NOTUM: variants seen among roughly 807,000 people sequenced by gnomAD.
NOTUM encodes the protein palmitoleoyl-protein carboxylesterase NOTUM.
NOTUM carries 36 observed loss-of-function variants against 65.5 expected under a neutral mutation model. The observed-to-expected ratio is 0.55, with a 90% confidence interval of 0.42 to 0.73. The LOEUF is 0.73. NOTUM is among the 30% of genes least tolerant of loss of function. NOTUM has a pLI of 0.00. For missense variants in NOTUM, 659 were observed against 694.2 expected (o/e 0.95, Z 0.57); for synonymous variants, 356 against 297.9 (o/e 1.20, Z -2.01).
rs902254778 is a variant in NOTUM at position 81,952,609 on chromosome 17, A to T, written c.*352T>A. The T allele has an allele frequency of 1.2e-5, 3 of 248,136 alleles. No homozygotes were observed. The highest frequency in any genetic ancestry group is 2.3e-5 in the Non-Finnish European group (3 of 129,600). The allele number at this position is 248,136 out of a possible 1,614,324, so 15.4% of individuals were successfully genotyped here. On this transcript the variant is annotated 3_prime_UTR_variant, in exon 11 of 11. Transcript: ENST00000409678. The stretch of plus-strand genomic sequence containing the variant: ...CCTTTTTTTAAAAAATTAAAGTAAT[A>T]AAAAAGTCACTTTATAAAATAATAT...
At position 81,958,348 on chromosome 17, in the gene NOTUM, G is replaced by C. The variant is rs953285187; in HGVS notation, c.579C>G (p.Ser193=). The part of the protein sequence containing the change: ...CSSDVWSGAS[S]KSEKNEYAFM... ...GCCGAGACTCACTCTTCTCAGACTT[G>C]GATGAAGCCCCGCTCCAAACATCAC... Residue 193 remains serine (S), a synonymous_variant, in exon 5 of 11, where the codon TCC becomes TCG. Coordinates refer to ENST00000409678, the MANE Select transcript of NOTUM (RefSeq NM_178493.6). 2 of 1,608,952 alleles carry C rather than the reference G, an allele frequency of 1.2e-6. No individual in the cohort carries two copies. The highest frequency in any genetic ancestry group is 2.7e-5 in the African/African-American group (2 of 74,838).
In NOTUM at chr17:81,960,656, A is replaced by G. The variant is rs1277404868; in HGVS notation, c.254T>C (p.Leu85Pro). The G allele has an allele frequency of 3.2e-6, 5 of 1,583,610 alleles. No individual in the cohort carries two copies. The South Asian group carries it at 5.7e-5, about 18-fold the overall frequency. The change falls in exon 1 of 11, where the codon CTC (leucine) becomes CCC (proline). Residue 85 changes from leucine (L) to proline (P), a missense_variant. Leu to Pro is a moderately conservative substitution (Grantham distance 98). Coordinates refer to ENST00000409678, the MANE Select transcript of NOTUM (RefSeq NM_178493.6). This position sits in a 1 kb window ranked among gnomAD's most constrained non-coding sequence, Gnocchi z 6.4. ...QSLYPCSAQQ[L>P]NEDLRLHLLL... ...GAGGTGCAGGCGCAGGTCCTCGTTGAGCTGCTGCGCGGAGCAGGGGTACAG... is the reference window on the plus strand; with the variant it reads ...GAGGTGCAGGCGCAGGTCCTCGTTGGGCTGCTGCGCGGAGCAGGGGTACAG...
rs2041454964 is a variant in NOTUM, at chr17:81,959,102, A to G, written c.473-107T>C. 4 of 964,198 alleles carry G rather than the reference A, an allele frequency of 4.1e-6. No homozygotes were observed. The South Asian group carries it at 5.4e-5, about 13-fold the overall frequency. The allele number at this position is 964,198 out of a possible 1,614,324, so 59.7% of individuals were successfully genotyped here. On this transcript the variant is annotated intron_variant, in intron 3 of 10. Transcript: ENST00000409678. ...GGCTCCTACTTGGCCCCAGGAAGGG[A>G]GGTGTGCTGGTGTTGCTAGCCCGAA...
rs1374950776 is a variant in NOTUM at position 81,960,665 on chromosome 17, G to A, written c.245C>T (p.Ala82Val). The change falls in exon 1 of 11, where the codon GCG becomes GTG. Residue 82 changes from alanine (A) to valine (V), a missense_variant. By Grantham distance (64) the Ala-to-Val change is moderately conservative (BLOSUM62 0). Coordinates refer to ENST00000409678, the MANE Select transcript of NOTUM (RefSeq NM_178493.6). The surrounding 1 kb of genome is among the most constrained non-coding windows in gnomAD (Gnocchi z 6.4). ...SLAQSLYPCS[A>V]QQLNEDLRLH... ...GCGCAGGTCCTCGTTGAGCTGCTGC[G>A]CGGAGCAGGGGTACAGGGACTGCGC... 2.5e-6 allele frequency: 4 copies of A among 1,589,920 alleles called. No individual in the cohort carries two copies. The highest frequency in any genetic ancestry group is 1.7e-5 in the Admixed American group (1 of 57,644).
rs2041439043 is a variant in NOTUM at position 81,957,064 on chromosome 17, T to A, written c.706A>T (p.Thr236Ser). The A allele has an allele frequency of 1.9e-6, 3 of 1,602,314 alleles. No individual in the cohort carries two copies. The highest frequency in any genetic ancestry group is 2.5e-6 in the Non-Finnish European group (3 of 1,178,448). ...LLLAGSSAGG[T>S]GVLLNVDRVA... is the part of the protein sequence containing the mutation. ...CGGTCCACATTCAGGAGCACCCCGG[T>A]GCCCCCCGCGCTGCAAGGAGGGCCA... The change falls in exon 7 of 11, where the codon ACC (threonine) becomes TCC (serine). Residue 236 changes from threonine to serine, a missense_variant. Transcript: ENST00000409678.
rs1184435660 is a variant in NOTUM at position 81,953,227 on chromosome 17, G to A, written c.1225C>T (p.Arg409Ter). 1.2e-6 allele frequency: 2 copies of A among 1,611,920 alleles called. No homozygotes were observed. Among genetic ancestry groups the A allele is most frequent in the East Asian group, 2.2e-5 (1 of 44,856 alleles). The change falls in exon 11 of 11, where the codon CGA (arginine) becomes TGA (stop). Residue 409 changes from arginine (R) to a stop codon, truncating the protein, a stop_gained. Transcript: ENST00000409678. LOFTEE classifies it high-confidence loss of function. Reference protein sequence around the residue: ...DVQVKGTSLPRALHCWDRSLH... With the variant: ...DVQVKGTSLP ...CTCCTGTCCCAGCAGTGCAGTGCTC[G>A]GGGCAGCGACGTCCCCTTCACCTGG...
In NOTUM at chr17:81,952,915, G is replaced by A. The variant is rs759967283; in HGVS notation, c.*46C>T. 1.6e-5 allele frequency: 25 copies of A among 1,539,942 alleles called. No individual in the cohort carries two copies. The highest frequency in any genetic ancestry group is 1.7e-4 in the Middle Eastern group (1 of 5,916). On this transcript the variant is annotated 3_prime_UTR_variant, in exon 11 of 11. Coordinates refer to ENST00000409678, the MANE Select transcript of NOTUM (RefSeq NM_178493.6). ...GGGGGTGAGGTGGCACTGGGGCAGC[G>A]GGTGTCTGGGCCCCTCAGTGCCGGC...
chr17:81,956,698 C>T lies in NOTUM; in HGVS notation c.940G>A (p.Glu314Lys), dbSNP rs1381662825. The change falls in exon 8 of 11, where the codon GAG (glutamate) becomes AAG (lysine). Residue 314 changes from glutamate (E) to lysine (K), a missense_variant. By Grantham distance (56) the Glu-to-Lys change is moderately conservative. Coordinates refer to ENST00000409678, the MANE Select transcript of NOTUM (RefSeq NM_178493.6). ...TAGCCAAAGAAGCAGTTCCACTCCT[C>T]GCCCTCCTGGAACTGGCGTCGGCAG... ...ERCRRQFQEGEEWNCFFGYKV... is the reference protein window; with the variant it reads ...ERCRRQFQEGKEWNCFFGYKV... 8 of 1,612,912 alleles carry T rather than the reference C, an allele frequency of 5.0e-6. No homozygotes were observed. The highest frequency in any genetic ancestry group is 2.2e-5 in the East Asian group (1 of 44,902).
In NOTUM at chr17:81,959,593, C is replaced by A. The variant is rs911002438; in HGVS notation, c.377-27G>T. 11 of 1,546,832 alleles carry A rather than the reference C, an allele frequency of 7.1e-6. No individual in the cohort carries two copies. The African/African-American group carries it at 1.4e-4, about 19-fold the overall frequency. ...TGCGGACACGACCGCCGCTCAGGCC[C>A]GCGCGCACAGACCCCCGGCCTCCCC... On this transcript the variant is annotated intron_variant, in intron 2 of 10. Transcript: ENST00000409678.
In NOTUM at chr17:81,953,385, T is replaced by A. The variant is rs1004628605; in HGVS notation, c.1185-118A>T. Reference sequence around the variant, plus strand: ...ATCTCGGCTCACTGCAGCCTCCGCCTCCCGGGTTCAAGCGATTCTCCTGCC... The same window carrying A: ...ATCTCGGCTCACTGCAGCCTCCGCCACCCGGGTTCAAGCGATTCTCCTGCC... On this transcript the variant is annotated intron_variant, in intron 10 of 10. Coordinates refer to ENST00000409678, the MANE Select transcript of NOTUM (RefSeq NM_178493.6). 108 of 661,884 alleles carry A rather than the reference T, an allele frequency of 1.6e-4. No individual in the cohort carries two copies. In the African/African-American group the frequency reaches 1.8e-3, roughly 11 times the overall value. 41.0% of individuals were successfully genotyped at this position (661,884 alleles called of 1,614,324 possible).
rs1357606283 is a variant in NOTUM at position 81,954,253 on chromosome 17, G to A, written c.1184+3C>T. 9 of 1,607,990 alleles carry A rather than the reference G, an allele frequency of 5.6e-6. No individual in the cohort carries two copies. The highest frequency in any genetic ancestry group is 7.7e-6 in the Non-Finnish European group (9 of 1,174,522). On this transcript the variant is annotated splice_donor_region_variant and intron_variant, in intron 10 of 10. Transcript: ENST00000409678. ...GCAAGCTGCCCGGAGCAGGGACACT[G>A]ACCTCCGGATGATGATCTCATGGGA... is the stretch of plus-strand genomic sequence containing the variant.
At chr17:81,956,224 C>G (rs2041432205) in intron 8 of NOTUM, among the ~76,000 whole-genome samples, 1 of 152,194 alleles carries the variant, frequency 6.6e-6, no homozygotes, top group South Asian at 2.1e-4. Flanking sequence ...TGATGATGCC[C>G]TTGCATATAA....
chr17:81,953,119 A>C lies in NOTUM; in HGVS notation c.1333T>G (p.Cys445Gly), dbSNP rs2041400239. 6.2e-7 allele frequency: 1 copy of C among 1,613,622 alleles called. No individual in the cohort carries two copies. ...HLVDSCPWPH[C>G]NPSCPTVRDQ... ...CGGACGGTGGGGCATGAGGGGTTGC[A>C]GTGGGGCCAGGGGCAGCTGTCCACC... is the stretch of plus-strand genomic sequence containing the variant. Residue 445 changes from cysteine (C) to glycine (G), a missense_variant, in exon 11 of 11, where the codon TGC (cysteine) becomes GGC (glycine). By Grantham distance (159) the Cys-to-Gly change is radical. Transcript: ENST00000409678.
chr17:81,960,944 A>AGGCGGCGGC lies in NOTUM; in HGVS notation c.-44_-36dup. On this transcript the variant is annotated 5_prime_UTR_variant, in exon 1 of 11. Transcript: ENST00000409678. The surrounding 1 kb of genome is among the most constrained non-coding windows in gnomAD (Gnocchi z 6.4). ...CACCTGCGGGGAGCGGGCGGCCTTG[A>AGGCGGCGGC]GGCGGCGGCGGCGGCGGCGGGGGAT... 1 of 1,171,602 alleles carries AGGCGGCGGC rather than the reference A, an allele frequency of 8.5e-7. No homozygotes were observed. Among genetic ancestry groups the AGGCGGCGGC allele is most frequent in the Non-Finnish European group, 1.1e-6 (1 of 945,714 alleles). The allele number at this position is 1,171,602 out of a possible 1,614,324, so 72.6% of individuals were successfully genotyped here.
In NOTUM at chr17:81,959,455, A is replaced by G; in HGVS notation, c.472+16T>C. 1 of 1,538,762 alleles carries G rather than the reference A, an allele frequency of 6.5e-7. No individual in the cohort carries two copies. Among genetic ancestry groups the G allele is most frequent in the Non-Finnish European group, 8.8e-7 (1 of 1,141,016 alleles). On this transcript the variant is annotated intron_variant, in intron 3 of 10. Coordinates refer to ENST00000409678, the MANE Select transcript of NOTUM (RefSeq NM_178493.6). ...GGCCTCACGTCGAGACGCCTTCCCC[A>G]GGGCCCGCCGCTGACCTGTGCGAGT...
Position 81,956,877 on chromosome 17 carries a change from C to T in NOTUM, c.887+6G>A, listed in dbSNP as rs555429654. 3.4e-5 allele frequency: 54 copies of T among 1,606,806 alleles called. No homozygotes were observed. The highest frequency in any genetic ancestry group is 3.1e-4 in the South Asian group (28 of 90,840). ...GCACGAGGACGGGCCCTCCCCGCTG[C>T]GGCACCTGATGCCACGGCGGATGGC... is the stretch of plus-strand genomic sequence containing the variant. On this transcript the variant is annotated splice_donor_region_variant and intron_variant, in intron 7 of 10. Transcript: ENST00000409678.
At chr17:81,955,592 C>T (rs755046047) in intron 8 of NOTUM, 48 bp from the exon 9 acceptor site, 24 of 1,366,836 alleles carry the variant, frequency 1.8e-5, no homozygotes, top group Non-Finnish European at 2.3e-5. Context: ...CCCGCTGCTG[C>T]CCCCACCCCA....
At position 81,958,346 on chromosome 17, in the gene NOTUM, T is replaced by A. The variant is rs747562331; in HGVS notation, c.581A>T (p.Lys194Met). The A allele has an allele frequency of 3.7e-6, 6 of 1,609,108 alleles. No individual in the cohort carries two copies. The highest frequency in any genetic ancestry group is 5.1e-6 in the Non-Finnish European group (6 of 1,176,942). ...SSDVWSGASS[K>M]SEKNEYAFMG... Reference sequence around the variant, plus strand: ...AGGCCGAGACTCACTCTTCTCAGACTTGGATGAAGCCCCGCTCCAAACATC... The same window carrying A: ...AGGCCGAGACTCACTCTTCTCAGACATGGATGAAGCCCCGCTCCAAACATC... The change falls in exon 5 of 11, where the codon AAG (lysine) becomes ATG (methionine). Residue 194 changes from lysine (K) to methionine (M), a missense_variant. By Grantham distance (95) the Lys-to-Met change is moderately conservative. Transcript: ENST00000409678.
chr17:81,959,273 C>T, intron 3 of NOTUM, 198 bp downstream of exon 3: 1 of 612,366 alleles, frequency 1.6e-6, no homozygotes, highest in Non-Finnish European at 2.9e-6. Flanking sequence ...GGGCCAGAGC[C>T]GCTGGGTAAG....
Sources: gnomAD v4.1 joint callset for allele counts (sites outside exome capture counted in the v4.1 genomes callset) on GRCh38, gnomAD v4.1.1 for gene constraint, Gnocchi (gnomAD v3.1) non-coding constraint, MANE v1.5 for transcripts, NCBI Gene and HGNC (gene_info 2026-07-23, HGNC 2026-07-21) for gene names.